Variants in MELK observed in about 807,000 individuals in gnomAD.
The protein encoded by MELK is maternal embryonic leucine zipper kinase.
Under a neutral mutation model 85.0 loss-of-function variants are expected in MELK, and 81 were observed. The ratio of observed to expected loss-of-function variants is 0.95; its 90% CI spans 0.80 to 1.15. The LOEUF is 1.15. Among genes scored for constraint, MELK ranks in the 50% most tolerant of loss-of-function variants. The pLI, the probability that MELK is intolerant of heterozygous loss-of-function variation, is 0.00. For missense variants in MELK, 754 were observed against 777.5 expected, an observed-to-expected ratio of 0.97 and a Z score of 0.36; for synonymous variants, 252 against 265.0, an observed-to-expected ratio of 0.95 and a Z score of 0.48.
Position 36,581,661 on chromosome 9 carries a change from A to G in MELK, c.-21A>G. 1 of 1,540,788 alleles carries G rather than the reference A, an allele frequency of 6.5e-7. No homozygotes were observed. The highest frequency in any genetic ancestry group is 9.0e-7 in the Non-Finnish European group (1 of 1,116,788). On this transcript the variant is annotated 5_prime_UTR_variant, in exon 2 of 18. Transcript: ENST00000298048. ...TCTTCTAGGTTCTTTTTCTAATTCC[A>G]AATAAACTTGCAAGAGGACTATGAA... is the stretch of plus-strand genomic sequence containing the variant.
chr9:36,630,741 C>G (rs1828491142), intron 9 of MELK, among the ~76,000 whole-genome samples: 1 of 152,032 alleles, frequency 6.6e-6, no homozygotes, highest in Admixed American at 6.6e-5. Flanking sequence ...GCAACCTTCG[C>G]CTTCTGGGTT....
In MELK at chr9:36,607,653, G is replaced by A. The variant is rs1315191230; in HGVS notation, c.646G>A (p.Ala216Thr). The A allele has an allele frequency of 6.2e-7, 1 of 1,605,056 alleles. No homozygotes were observed. Among genetic ancestry groups the A allele is most frequent in the East Asian group, 2.2e-5 (1 of 44,822 alleles). Residue 216 changes from alanine to threonine, a missense_variant, in exon 8 of 18, where the codon GCT becomes ACT. By Grantham distance (58) the Ala-to-Thr change is moderately conservative. Coordinates refer to ENST00000298048, the MANE Select transcript of MELK (RefSeq NM_014791.4). ...FLPFDDDNVM[A>T]LYKKIMRGKY... is the part of the protein sequence containing the mutation. The stretch of plus-strand genomic sequence containing the variant: ...ACCATTTGATGATGATAATGTAATG[G>A]CTTTATACAAGAAGATTATGGTGAG...
intron 13 of MELK, among the ~76,000 whole-genome samples, chr9:36,662,240 T>C (rs1469182829): frequency 6.6e-6 from 1 of 151,008 alleles, no homozygotes; most frequent in East Asian, 1.9e-4. Flanking sequence ...AGTGAATCTG[T>C]ATCTTTTTTT....
At position 36,652,686 on chromosome 9, in the gene MELK, C is replaced by T. The variant is rs556812854; in HGVS notation, c.1053+809C>T. Among the ~76,000 whole-genome samples, 50 of 142,900 alleles carry T rather than the reference C, an allele frequency of 3.5e-4. 1 individual carries two copies. In the East Asian group the frequency reaches 8.9e-3, roughly 25 times the overall value. The allele number at this position is 142,900 out of a possible 152,430, so 93.7% of individuals were successfully genotyped here. A position where few individuals can be genotyped will look rare whatever the true frequency, so the allele number is the denominator to read the frequency against. ...CGGAGGTTACAGTGAGCTGAGATTG[C>T]GCCATTGCACTCCAGCCTGGGCGAC... On this transcript the variant is annotated intron_variant, in intron 12 of 17. Coordinates refer to ENST00000298048, the MANE Select transcript of MELK (RefSeq NM_014791.4).
At chr9:36,675,316 A>T (rs1402154707) in intron 17 of MELK, among the ~76,000 whole-genome samples, 1 of 152,058 alleles carries the variant, frequency 6.6e-6, no homozygotes, top group South Asian at 2.1e-4. Flanking sequence ...TGATCTCCTC[A>T]CCCCTGTGCT....
At chr9:36,598,984 T>C (rs1177389349) in intron 6 of MELK, among the ~76,000 whole-genome samples, 1 of 152,154 alleles carries the variant, frequency 6.6e-6, no homozygotes, top group Non-Finnish European at 1.5e-5. Flanking sequence ...ATCTAGCTTC[T>C]CTTTGCTTGT....
intron 3 of MELK, among the ~76,000 whole-genome samples, chr9:36,586,924 C>T (rs563264557): frequency 1.1e-4 from 16 of 150,118 alleles, no homozygotes; most frequent in East Asian, 8.0e-4. Flanking sequence ...TGCAGTGGCA[C>T]GATCTCGGCT....
intron 1 of MELK, among the ~76,000 whole-genome samples, chr9:36,580,101 G>A (rs892481654): frequency 1.8e-4 from 27 of 146,372 alleles, no homozygotes; most frequent in African/African-American, 6.1e-4. Flanking sequence ...AGGCTGGAGT[G>A]CAGTGGCGTG....
At chr9:36,583,830 A>G (rs1261927563) in intron 3 of MELK, 118 bp downstream of exon 3, 2 of 698,328 alleles carry the variant, frequency 2.9e-6, no homozygotes, top group Non-Finnish European at 4.6e-6. Context: ...TACCTTTTAA[A>G]AAACGTATAG....
chr9:36,597,218 C>G lies in MELK; in HGVS notation c.406-4C>G. The G allele has an allele frequency of 6.2e-7, 1 of 1,611,020 alleles. No individual in the cohort carries two copies. The highest frequency in any genetic ancestry group is 8.5e-7 in the Non-Finnish European group (1 of 1,177,330). The stretch of plus-strand genomic sequence containing the variant: ...CAGTTATCAAAATATCTTTGTTTTC[C>G]CAGGAAAATTTGCTGTTTGATGAAT... On this transcript the variant is annotated splice_region_variant and splice_polypyrimidine_tract_variant and intron_variant, in intron 5 of 17. Transcript: ENST00000298048.
chr9:36,643,854 A>T (rs956376050), intron 11 of MELK, among the ~76,000 whole-genome samples: 1 of 151,794 alleles, frequency 6.6e-6, no homozygotes, highest in Non-Finnish European at 1.5e-5. Context: ...GAATGGTGTG[A>T]ACCTGGGAGG....
intron 7 of MELK, among the ~76,000 whole-genome samples, chr9:36,604,000 G>A (rs143687666): frequency 3.7e-4 from 56 of 151,838 alleles, no homozygotes; most frequent in Middle Eastern, 3.4e-3. Flanking sequence ...ACGGAGTTTC[G>A]CTCTTGTTGC....
At position 36,651,881 on chromosome 9, in the gene MELK, A is replaced by G. The variant is rs1425439810; in HGVS notation, c.1053+4A>G. Reference sequence around the variant, plus strand: ...TACCCCATTCACAGACATCAAGGTAAGTGTTACTGCCTGTTGTGTCTTGCC... The same window carrying G: ...TACCCCATTCACAGACATCAAGGTAGGTGTTACTGCCTGTTGTGTCTTGCC... On this transcript the variant is annotated splice_donor_region_variant and intron_variant, in intron 12 of 17. Coordinates refer to ENST00000298048, the MANE Select transcript of MELK (RefSeq NM_014791.4). The G allele has an allele frequency of 6.2e-7, 1 of 1,612,870 alleles. No individual in the cohort carries two copies. The highest frequency in any genetic ancestry group is 1.1e-5 in the South Asian group (1 of 90,830).
intron 11 of MELK, among the ~76,000 whole-genome samples, chr9:36,647,732 A>C (rs893885569): frequency 1.3e-5 from 2 of 150,848 alleles, no homozygotes; most frequent in African/African-American, 4.9e-5. Flanking sequence ...CAAGTGACCC[A>C]CCCGCCTCAG....
At chr9:36,654,436 A>C (rs1410186680) in intron 12 of MELK, among the ~76,000 whole-genome samples, 1 of 142,620 alleles carries the variant, frequency 7.0e-6, no homozygotes, top group Non-Finnish European at 1.5e-5. Context: ...GCTCGCTGCA[A>C]CCTCCGCCTC....
At position 36,669,318 on chromosome 9, in the gene MELK, C is replaced by A. The variant is rs756604222; in HGVS notation, c.1417C>A (p.Gln473Lys). 4 of 1,605,636 alleles carry A rather than the reference C, an allele frequency of 2.5e-6. No individual in the cohort carries two copies. The highest frequency in any genetic ancestry group is 3.4e-6 in the Non-Finnish European group (4 of 1,175,760). ...TGTTCTGTTTCTAATAGCTAGAAAC[C>A]AGTGCCTGAAAGAAACTCCAATTAA... The part of the protein sequence containing the change: ...RYTTPSKARN[Q>K]CLKETPIKIP... The change falls in exon 15 of 18, where the codon CAG (glutamine) becomes AAG (lysine). Residue 473 changes from glutamine to lysine, a missense_variant. Coordinates refer to ENST00000298048, the MANE Select transcript of MELK (RefSeq NM_014791.4).
intron 6 of MELK, among the ~76,000 whole-genome samples, chr9:36,599,116 C>T (rs1824624964): frequency 6.6e-6 from 1 of 151,990 alleles, no homozygotes; most frequent in Non-Finnish European, 1.5e-5. Context: ...GCCAACATGG[C>T]AAAACCCCGT....
At chr9:36,586,748 T>C (rs1444188827) in intron 3 of MELK, among the ~76,000 whole-genome samples, 1 of 152,244 alleles carries the variant, frequency 6.6e-6, no homozygotes. Flanking sequence ...AAGCGTAATA[T>C]GACATTAATT....
chr9:36,607,748 G>A (rs1270873534), intron 8 of MELK, 75 bp downstream of exon 8: 1 of 1,051,724 alleles, frequency 9.5e-7, no homozygotes, highest in Non-Finnish European at 1.4e-6. Flanking sequence ...ATTCATAAAT[G>A]TACAAAAACA....
Sources: gnomAD v4.1 joint callset for allele counts (sites outside exome capture counted in the v4.1 genomes callset) on GRCh38, gnomAD v4.1.1 for gene constraint, MANE v1.5 for transcripts, NCBI Gene and HGNC (gene_info 2026-07-23, HGNC 2026-07-21) for gene names.